FMN1: variants seen among roughly 807,000 people sequenced by gnomAD.
FMN1 encodes formin-1.
A neutral mutation model predicts 132.4 loss-of-function variants in FMN1; 110 were observed. That is an observed-to-expected ratio of 0.83 (90% confidence interval 0.71 to 0.97). The LOEUF (loss-of-function observed/expected upper bound fraction) is 0.97, where lower values mean the gene tolerates loss of function less well. Among genes scored for constraint, FMN1 ranks in the 50% least tolerant of loss-of-function variants. The pLI, the probability that FMN1 is intolerant of heterozygous loss-of-function variation, is 0.00. For synonymous variants in FMN1, 722 were observed against 651.7 expected, an observed-to-expected ratio of 1.11 and a Z score of -1.64; for missense variants, 1,792 against 1,705.3, an observed-to-expected ratio of 1.05 and a Z score of -0.90.
intron 5 of FMN1, among the ~76,000 whole-genome samples, chr15:33,084,896 C>T (rs1429975685): frequency 6.6e-6 from 1 of 152,182 alleles, no homozygotes; most frequent in East Asian, 1.9e-4. Flanking sequence ...TCATCACGTA[C>T]TAATGAGAGT....
chr15:33,092,303 C>T (rs2038931660), intron 4 of FMN1, among the ~76,000 whole-genome samples: 1 of 152,132 alleles, frequency 6.6e-6, no homozygotes. Flanking sequence ...GAGGCAGTGT[C>T]CACAGCTCAT....
intron 3 of FMN1, among the ~76,000 whole-genome samples, chr15:33,157,202 T>C (rs1249397078): frequency 2.0e-5 from 3 of 151,230 alleles, no homozygotes; most frequent in Admixed American, 6.6e-5. Flanking sequence ...GAGGCCAAGG[T>C]TGCAGTGAGC....
chr15:33,139,603 A>G (rs2140247484), intron 4 of FMN1, among the ~76,000 whole-genome samples: 1 of 152,344 alleles, frequency 6.6e-6, no homozygotes, highest in South Asian at 2.1e-4. Context: ...AAATAAATAA[A>G]CAAATAAATA....
intron 15 of FMN1, among the ~76,000 whole-genome samples, chr15:32,889,778 A>AT (rs1286495980): frequency 1.3e-5 from 2 of 151,952 alleles, no homozygotes; most frequent in Non-Finnish European, 2.9e-5. Flanking sequence ...ATCACCATTA[A>AT]TTTTTTTCCC....
At chr15:33,104,446 A>G (rs1324940803) in intron 4 of FMN1, among the ~76,000 whole-genome samples, 1 of 152,040 alleles carries the variant, frequency 6.6e-6, no homozygotes, top group Non-Finnish European at 1.5e-5. Flanking sequence ...ATTTGAAATG[A>G]CAATTATATG....
rs200899951 is a variant in FMN1, at chr15:33,078,819, C to CT, written c.2043+9979dup. 1.8e-4 allele frequency among the ~76,000 whole-genome samples: 27 copies of CT among 152,132 alleles called. No homozygotes were observed. In the East Asian group the frequency reaches 4.8e-3, roughly 27 times the overall value. On this transcript the variant is annotated intron_variant, in intron 5 of 20. Coordinates refer to ENST00000616417, the MANE Select transcript of FMN1 (RefSeq NM_001277313.2). ...CCTGGAGAGAGAGAGGAAAAAAATG[C>CT]TTTTTTGAAAGACACACATGGAGTA...
At chr15:33,097,749 G>C (rs368273297) in intron 4 of FMN1, among the ~76,000 whole-genome samples, 3 of 152,090 alleles carry the variant, frequency 2.0e-5, no homozygotes, top group Non-Finnish European at 4.4e-5. Flanking sequence ...ATTAATAACA[G>C]AACTTCAAAA....
At chr15:32,973,944 T>C (rs777548443) in intron 7 of FMN1, among the ~76,000 whole-genome samples, 26 of 152,190 alleles carry the variant, frequency 1.7e-4, no homozygotes, top group Admixed American at 2.6e-4. Flanking sequence ...CTGGTAATGA[T>C]TTGGTGATTC....
chr15:33,074,736 C>A (rs926046328), intron 5 of FMN1, among the ~76,000 whole-genome samples: 2 of 152,106 alleles, frequency 1.3e-5, no homozygotes, highest in Non-Finnish European at 2.9e-5. Context: ...AGGACCTCAG[C>A]CGGGTGCAGT....
At chr15:33,082,374 G>T (rs145911832) in intron 5 of FMN1, among the ~76,000 whole-genome samples, 10 of 152,228 alleles carry the variant, frequency 6.6e-5, no homozygotes, top group Non-Finnish European at 1.3e-4. Context: ...TATTTCCAGA[G>T]AGTACTGCCA....
At position 33,153,851 on chromosome 15, in the gene FMN1, G is replaced by A. The variant is rs1964554799; in HGVS notation, c.1064C>T (p.Ala355Val). Reference sequence around the variant, plus strand: ...CTCAGCGTGGGCTGCTGGGCGAATGGCAATCGTCTCCTTACCCTTAGAATG... The same window carrying A: ...CTCAGCGTGGGCTGCTGGGCGAATGACAATCGTCTCCTTACCCTTAGAATG... ...KTHSKGKETI[A>V]IRPAAHAEFV... is the part of the protein sequence containing the mutation. The change falls in exon 4 of 21, where the codon GCC becomes GTC. Residue 355 changes from alanine (A) to valine (V), a missense_variant. Ala to Val is a moderately conservative substitution (Grantham distance 64, BLOSUM62 0). Coordinates refer to ENST00000616417, the MANE Select transcript of FMN1 (RefSeq NM_001277313.2). 2 of 1,536,532 alleles carry A rather than the reference G, an allele frequency of 1.3e-6. No individual in the cohort carries two copies. Among genetic ancestry groups the A allele is most frequent in the Admixed American group, 3.9e-5 (2 of 50,982 alleles).
chr15:32,887,609 G>A (rs1030222314), intron 16 of FMN1, among the ~76,000 whole-genome samples: 1 of 152,204 alleles, frequency 6.6e-6, no homozygotes, highest in Non-Finnish European at 1.5e-5. Context: ...AGGAACATGT[G>A]TGTATGTGTA....
At chr15:33,099,359 T>C (rs182157976) in intron 4 of FMN1, among the ~76,000 whole-genome samples, 120 of 152,344 alleles carry the variant, frequency 7.9e-4, no homozygotes, top group African/African-American at 2.8e-3. Flanking sequence ...GACACAATAA[T>C]TGGCATCAGG....
intron 6 of FMN1, among the ~76,000 whole-genome samples, chr15:33,046,092 A>G (rs2036669173): frequency 6.6e-6 from 1 of 152,062 alleles, no homozygotes; most frequent in Non-Finnish European, 1.5e-5. Context: ...TAAAATGTAT[A>G]TTATATCACA....
At chr15:32,816,006 A>G (rs2058048205) in intron 17 of FMN1, among the ~76,000 whole-genome samples, 1 of 152,252 alleles carries the variant, frequency 6.6e-6, no homozygotes, top group Non-Finnish European at 1.5e-5. Flanking sequence ...TAGTAATTAA[A>G]AGAGATGTTT....
At chr15:33,024,468 G>A (rs996893111) in intron 6 of FMN1, among the ~76,000 whole-genome samples, 3 of 151,776 alleles carry the variant, frequency 2.0e-5, no homozygotes, top group East Asian at 1.9e-4. Context: ...GGATGGTCTC[G>A]ATTTCCTGAC....
chr15:32,810,991 T>C (rs1805619738), intron 17 of FMN1: 1 of 456,166 alleles, frequency 2.2e-6, no homozygotes, highest in Admixed American at 2.4e-5. Flanking sequence ...GTGGGATCCG[T>C]CTGATGTGAG....
At chr15:33,104,898 C>T (rs1294851684) in intron 4 of FMN1, among the ~76,000 whole-genome samples, 1 of 151,984 alleles carries the variant, frequency 6.6e-6, no homozygotes, top group Non-Finnish European at 1.5e-5. Flanking sequence ...TTGCACCATC[C>T]AAAGAAAGAG....
At chr15:33,031,011 T>C (rs2035912045) in intron 6 of FMN1, among the ~76,000 whole-genome samples, 1 of 131,568 alleles carries the variant, frequency 7.6e-6, no homozygotes, top group Non-Finnish European at 1.6e-5. Context: ...TGGTGTGCAA[T>C]GTTCCCCTCC....
Sources: allele counts gnomAD v4.1 joint callset (sites outside exome capture counted in the v4.1 genomes callset), GRCh38; gene constraint gnomAD v4.1.1; transcripts MANE v1.5; gene names NCBI Gene and HGNC (gene_info 2026-07-23, HGNC 2026-07-21).